MCF2: variants seen among roughly 807,000 people sequenced by gnomAD.
The protein encoded by MCF2 is proto-oncogene DBL.
MCF2 carries 44 observed loss-of-function variants against 82.5 expected under a neutral mutation model. The ratio of observed to expected loss-of-function variants is 0.53; its 90% CI spans 0.42 to 0.69. The LOEUF (loss-of-function observed/expected upper bound fraction) is 0.69, where lower values mean the gene tolerates loss of function less well. Among genes scored for constraint, MCF2 ranks in the 30% least tolerant of loss-of-function variants. The pLI, the probability that MCF2 is intolerant of heterozygous loss-of-function variation, is 0.00. For missense variants in MCF2, 623 were observed against 663.1 expected (o/e 0.94, Z 0.66); for synonymous variants, 217 against 224.9 (o/e 0.96, Z 0.32).
chrX:139,703,655 A>C (rs1935540427), intron 1 of MCF2, among the ~76,000 whole-genome samples: 2 of 111,416 alleles, frequency 1.8e-5, no homozygotes, highest in Non-Finnish European at 3.8e-5. Flanking sequence ...GAATTGCTTA[A>C]ACCTAGGAGG....
intron 1 of MCF2, among the ~76,000 whole-genome samples, chrX:139,665,308 C>T (rs1037649131): frequency 3.5e-4 from 39 of 111,598 alleles, no homozygotes; most frequent in African/African-American, 1.2e-3. Flanking sequence ...AGCACTTCAC[C>T]CCATGGCAGC....
At chrX:139,646,941 G>A (rs1933822157), upstream of MCF2, 1 of 774,988 alleles carries the variant, frequency 1.3e-6, no homozygotes, top group Non-Finnish European at 1.9e-6. Flanking sequence ...AATTAAAAAT[G>A]TATATAACAA....
chrX:139,611,409 T>G (rs1931479333), intron 10 of MCF2, among the ~76,000 whole-genome samples: 1 of 112,221 alleles, frequency 8.9e-6, no homozygotes, highest in Admixed American at 9.5e-5. Flanking sequence ...ACTAATATGC[T>G]CCACTTCAAA....
At chrX:139,696,298 CTTTTTCTTTCTTTT>C (rs1350413599) in intron 1 of MCF2, among the ~76,000 whole-genome samples, 1 of 92,393 alleles carries the variant, frequency 1.1e-5, no homozygotes, top group African/African-American at 3.8e-5. Context: ...TCCTTCCTTT[CTTTTTCTTTCTTTT>C]CTTTCTTTCC....
chrX:139,615,193 G>A, intron 9 of MCF2, 141 bp from the exon 13 acceptor site: 1 of 496,190 alleles, frequency 2.0e-6, no homozygotes, highest in East Asian at 3.7e-5. Flanking sequence ...AAAATAACAA[G>A]ACAGATTAAT....
chrX:139,589,793 A>G (rs1397897425), intron 20 of MCF2, 42 bp downstream of exon 24: 6 of 947,037 alleles, frequency 6.3e-6, no homozygotes, highest in Non-Finnish European at 8.9e-6. Flanking sequence ...TTTGTATTTC[A>G]ATGCAGGTTT....
In MCF2 at chrX:139,613,634, C is replaced by T. The variant is rs112772175; in HGVS notation, c.1363+1247G>A. Among the ~76,000 whole-genome samples the T allele has an allele frequency of 8.1e-3, 901 of 111,464 alleles. 12 individuals are homozygous for T. Among genetic ancestry groups the T allele is most frequent in the African/African-American group, 0.027 (818 of 30,807 alleles). On this transcript the variant is annotated intron_variant, in intron 10 of 24. Transcript: ENST00000370576. ...AGGCTAAGTGAACTGTTCAAGGACACACAGCCAGTACATGGAGCCAGAAAT... is the reference window on the plus strand; with the variant it reads ...AGGCTAAGTGAACTGTTCAAGGACATACAGCCAGTACATGGAGCCAGAAAT...
chrX:139,584,132 T>A (rs957002017), intron 24 of MCF2, among the ~76,000 whole-genome samples: 23 of 89,613 alleles, frequency 2.6e-4, no homozygotes, highest in African/African-American at 9.4e-4. Context: ...ATTATCCTTT[T>A]TTTTTTTTTT....
At chrX:139,700,560 G>A (rs1350793056) in intron 1 of MCF2, among the ~76,000 whole-genome samples, 2 of 111,942 alleles carry the variant, frequency 1.8e-5, no homozygotes, top group Non-Finnish European at 3.8e-5. Context: ...TGGATCCAGG[G>A]ACCTTGGGGG....
chrX:139,617,551 G>A (rs776352896), exon 8 of MCF2: 1 of 1,195,289 alleles, frequency 8.4e-7, no homozygotes, highest in African/African-American at 1.8e-5. Context: ...GTCCTGCTGA[G>A]TTGTATCCGT....
At chrX:139,622,279 G>C (rs1440212337) in intron 6 of MCF2, among the ~76,000 whole-genome samples, 6 of 111,675 alleles carry the variant, frequency 5.4e-5, no homozygotes, top group Non-Finnish European at 1.1e-4. Context: ...TACATTATTG[G>C]TGGGACTGTA....
intron 1 of MCF2, among the ~76,000 whole-genome samples, chrX:139,670,487 G>C (rs903452431): frequency 3.7e-5 from 4 of 108,880 alleles, no homozygotes; most frequent in African/African-American, 1.3e-4. Context: ...CACAGGCCCC[G>C]GGGTGTGATG....
chrX:139,626,845 G>T, intron 4 of MCF2, 89 bp from the exon 8 acceptor site: 2 of 791,795 alleles, frequency 2.5e-6, no homozygotes, highest in Non-Finnish European at 3.6e-6. Flanking sequence ...ATGGCATGAA[G>T]AATCGAAACA....
chrX:139,637,011 C>T lies in MCF2; in HGVS notation c.52-4557G>A, dbSNP rs1406666865. On this transcript the variant is annotated intron_variant, in intron 1 of 24. Transcript: ENST00000370576. Reference sequence around the variant, plus strand: ...AAAATGTTTAGTAATTCACTTGTCACAAAAAGCCCAGAAAAACTTGGGCTT... The same window carrying T: ...AAAATGTTTAGTAATTCACTTGTCATAAAAAGCCCAGAAAAACTTGGGCTT... Among the ~76,000 whole-genome samples the T allele has an allele frequency of 2.7e-5, 3 of 111,638 alleles. No individual in the cohort carries two copies. The Admixed American group carries it at 2.8e-4, about 11-fold the overall frequency.
intron 1 of MCF2, among the ~76,000 whole-genome samples, chrX:139,691,189 G>A (rs1320605641): frequency 1.8e-4 from 20 of 111,116 alleles, no homozygotes; most frequent in Non-Finnish European, 1.9e-5. Flanking sequence ...GAAGCAACAA[G>A]CTCATGGACC....
At chrX:139,687,919 C>A (rs150880862) in intron 1 of MCF2, among the ~76,000 whole-genome samples, 1,717 of 111,770 alleles carry the variant, frequency 0.015, 23 homozygotes, top group Middle Eastern at 0.047. Flanking sequence ...TCCCCACAGG[C>A]CTACTCATGG....
At chrX:139,690,338 GTTTT>G (rs145515088) in intron 1 of MCF2, among the ~76,000 whole-genome samples, 20 of 75,753 alleles carry the variant, frequency 2.6e-4, no homozygotes, top group African/African-American at 9.4e-4. Flanking sequence ...CTCCAAAGGA[GTTTT>G]TTTTTTTTTT....
chrX:139,600,840 T>C (rs1201764836), intron 16 of MCF2, among the ~76,000 whole-genome samples: 1 of 110,773 alleles, frequency 9.0e-6, no homozygotes, highest in Non-Finnish European at 1.9e-5. Flanking sequence ...CAAACATGGG[T>C]AATAGGAACC....
intron 5 of MCF2, 30 bp from the exon 9 acceptor site, chrX:139,626,337 A>G (rs892589728): frequency 3.4e-6 from 3 of 875,278 alleles, no homozygotes; most frequent in Non-Finnish European, 5.0e-6. Context: ...ATAAATTCCT[A>G]AAAGCAACTA....
Sources: gnomAD v4.1 joint callset for allele counts (sites outside exome capture counted in the v4.1 genomes callset) on GRCh38, gnomAD v4.1.1 for gene constraint, MANE v1.5 for transcripts, NCBI Gene and HGNC (gene_info 2026-07-23, HGNC 2026-07-21) for gene names.